SERGEF: variants seen among roughly 807,000 people sequenced by gnomAD.
SERGEF encodes secretion-regulating guanine nucleotide exchange factor.
In SERGEF, 51 loss-of-function variants were observed where a neutral mutation model predicts 50.0. The ratio of observed to expected loss-of-function variants is 1.02; its 90% CI spans 0.81 to 1.29. SERGEF has a LOEUF of 1.29. Among genes scored for constraint, SERGEF ranks in the 50% most tolerant of loss-of-function variants. The probability of loss-of-function intolerance (pLI) is 0.00; values close to 1 mark genes in which losing one functional copy is unlikely to be tolerated. For missense variants in SERGEF, 521 were observed against 557.0 expected, an observed-to-expected ratio of 0.94 and a Z score of 0.65; for synonymous variants, 205 against 212.4, an observed-to-expected ratio of 0.97 and a Z score of 0.30.
Position 17,991,173 on chromosome 11 carries a change from A to G in SERGEF, c.685+1758T>C, listed in dbSNP as rs1853705385. On this transcript the variant is annotated intron_variant, in intron 7 of 10. Transcript: ENST00000265965. The surrounding 1 kb of genome is among the most constrained non-coding windows in gnomAD (Gnocchi z 4.9). ...TTGTGAATATATTAAAAATTACTAA[A>G]TTGTATACTTTAAATGAAACTTAAG... is the stretch of plus-strand genomic sequence containing the variant. Among the ~76,000 whole-genome samples the G allele has an allele frequency of 6.6e-6, 1 of 152,200 alleles. No individual in the cohort carries two copies. The highest frequency in any genetic ancestry group is 1.5e-5 in the Non-Finnish European group (1 of 68,046).
intron 10 of SERGEF, among the ~76,000 whole-genome samples, chr11:17,844,926 C>A (rs2237942): frequency 0.59 from 87,793 of 150,002 alleles, 26,375 homozygotes; most frequent in African/African-American, 0.73. Context: ...AACAAACAAA[C>A]AAAAAAAACA....
rs1852947937 is a variant in SERGEF at position 17,959,501 on chromosome 11, G to A, written c.980C>T (p.Ser327Leu). 1.2e-6 allele frequency: 2 copies of A among 1,613,900 alleles called. No individual in the cohort carries two copies. The highest frequency in any genetic ancestry group is 1.7e-6 in the Non-Finnish European group (2 of 1,179,924). ...TGCTCCAGTTAAGCAATGCGGAGACGAAGGCATGCTGTTCGGTGGTCTTGA... is the reference window on the plus strand; with the variant it reads ...TGCTCCAGTTAAGCAATGCGGAGACAAAGGCATGCTGTTCGGTGGTCTTGA... ...PCSRPPNSMP[S>L]SPHCLTGATE... Residue 327 changes from serine (S) to leucine (L), a missense_variant, in exon 9 of 11, where the codon TCG (serine) becomes TTG (leucine). Ser to Leu is a moderately radical substitution (Grantham distance 145). Transcript: ENST00000265965.
At position 17,884,522 on chromosome 11, in the gene SERGEF, G is replaced by T. The variant is rs1851394420; in HGVS notation, c.1012-6278C>A. Reference sequence around the variant, plus strand: ...ACTATTAGAAACGCAGTGCTTGGAAGCTGGGCACGTTTTACAGGCACACTG... The same window carrying T: ...ACTATTAGAAACGCAGTGCTTGGAATCTGGGCACGTTTTACAGGCACACTG... On this transcript the variant is annotated intron_variant, in intron 9 of 10. Coordinates refer to ENST00000265965, the MANE Select transcript of SERGEF (RefSeq NM_012139.4). This position sits in a 1 kb window ranked among gnomAD's most constrained non-coding sequence, Gnocchi z 4.6. Among the ~76,000 whole-genome samples, 1 of 152,154 alleles carries T rather than the reference G, an allele frequency of 6.6e-6. No individual in the cohort carries two copies. Among genetic ancestry groups the T allele is most frequent in the Non-Finnish European group, 1.5e-5 (1 of 68,028 alleles).
intron 9 of SERGEF, among the ~76,000 whole-genome samples, chr11:17,882,436 AG>A (rs1851352721): frequency 6.6e-6 from 1 of 150,980 alleles, no homozygotes; most frequent in Non-Finnish European, 1.5e-5. Context: ...AAAAAAAAAA[AG>A]AAAAAAAAAG....
At chr11:17,985,636 G>A (rs1286879777) in intron 8 of SERGEF, among the ~76,000 whole-genome samples, 1 of 152,208 alleles carries the variant, frequency 6.6e-6, no homozygotes. Context: ...TCCCAGATTA[G>A]AACAGGTTCT....
intron 9 of SERGEF, among the ~76,000 whole-genome samples, chr11:17,898,641 C>G (rs1005918776): frequency 3.9e-5 from 6 of 152,118 alleles, no homozygotes; most frequent in Non-Finnish European, 7.4e-5. Flanking sequence ...AAACGTTTTT[C>G]CCCCAGACCT....
intron 9 of SERGEF, among the ~76,000 whole-genome samples, chr11:17,905,670 A>C (rs1292713303): frequency 6.6e-6 from 1 of 152,210 alleles, no homozygotes; most frequent in African/African-American, 2.4e-5. Flanking sequence ...AGTGAAACCC[A>C]GAAAGAAGAA....
intron 9 of SERGEF, among the ~76,000 whole-genome samples, chr11:17,948,158 C>G (rs963243585): frequency 6.6e-6 from 1 of 152,026 alleles, no homozygotes; most frequent in Non-Finnish European, 1.5e-5. Flanking sequence ...TCATGTGATC[C>G]ACCTGCCTCA....
intron 10 of SERGEF, among the ~76,000 whole-genome samples, chr11:17,798,557 T>C (rs1049495914): frequency 1.3e-5 from 2 of 152,242 alleles, no homozygotes; most frequent in African/African-American, 4.8e-5. Flanking sequence ...CTGTGGCACG[T>C]TGGCTCCAGT....
chr11:17,988,583 T>C lies in SERGEF; in HGVS notation c.844+14A>G. The stretch of plus-strand genomic sequence containing the variant: ...CTGCTCTTACCAACCGTAAGTTCTC[T>C]GCTACTGTCTCACCTGTCTGAGCAA... On this transcript the variant is annotated intron_variant, in intron 8 of 10. Coordinates refer to ENST00000265965, the MANE Select transcript of SERGEF (RefSeq NM_012139.4). 6.2e-7 allele frequency: 1 copy of C among 1,613,302 alleles called. No individual in the cohort carries two copies. The highest frequency in any genetic ancestry group is 8.5e-7 in the Non-Finnish European group (1 of 1,179,630).
At chr11:17,848,826 G>T (rs1850663398) in intron 10 of SERGEF, among the ~76,000 whole-genome samples, 1 of 152,120 alleles carries the variant, frequency 6.6e-6, no homozygotes, top group Non-Finnish European at 1.5e-5. Context: ...CATCTTCAAG[G>T]CTCTTGATAA....
In SERGEF at chr11:17,991,335, A is replaced by C. The variant is rs2133998838; in HGVS notation, c.685+1596T>G. The stretch of plus-strand genomic sequence containing the variant: ...AAATAACAAATTTACTACCAACAAG[A>C]ATTTTTAAGAAGTTGAAGTTGGCAA... On this transcript the variant is annotated intron_variant, in intron 7 of 10. Coordinates refer to ENST00000265965, the MANE Select transcript of SERGEF (RefSeq NM_012139.4). This position sits in a 1 kb window ranked among gnomAD's most constrained non-coding sequence, Gnocchi z 4.9. 6.6e-6 allele frequency among the ~76,000 whole-genome samples: 1 copy of C among 152,334 alleles called. No individual in the cohort carries two copies. Among genetic ancestry groups the C allele is most frequent in the South Asian group, 2.1e-4 (1 of 4,826 alleles).
At chr11:17,804,149 G>A (rs1455648139) in intron 10 of SERGEF, among the ~76,000 whole-genome samples, 1 of 152,186 alleles carries the variant, frequency 6.6e-6, no homozygotes, top group Non-Finnish European at 1.5e-5. Flanking sequence ...ACAGTGGCCC[G>A]ATGACCATCT....
intron 10 of SERGEF, among the ~76,000 whole-genome samples, chr11:17,801,696 T>C (rs1198338376): frequency 6.6e-6 from 1 of 152,130 alleles, no homozygotes; most frequent in Non-Finnish European, 1.5e-5. Context: ...TGAATGAATG[T>C]ATTCCCCAAA....
At chr11:17,842,245 A>C (rs564091727) in intron 10 of SERGEF, among the ~76,000 whole-genome samples, 1 of 152,174 alleles carries the variant, frequency 6.6e-6, no homozygotes, top group East Asian at 1.9e-4. Flanking sequence ...GCAGCTATTC[A>C]CTGAGTTTAT....
intron 10 of SERGEF, among the ~76,000 whole-genome samples, chr11:17,857,140 T>C (rs1174253748): frequency 6.6e-6 from 1 of 152,160 alleles, no homozygotes; most frequent in African/African-American, 2.4e-5. Flanking sequence ...GGTGGGACCT[T>C]TGGAGCTCAC....
At chr11:17,906,738 T>A (rs551037625) in intron 9 of SERGEF, among the ~76,000 whole-genome samples, 1 of 151,678 alleles carries the variant, frequency 6.6e-6, no homozygotes, top group South Asian at 2.1e-4. Context: ...AAATTCACAG[T>A]TCCTAGTAAA....
chr11:17,983,882 G>A (rs1034624445), intron 8 of SERGEF, among the ~76,000 whole-genome samples: 1 of 151,742 alleles, frequency 6.6e-6, no homozygotes, highest in African/African-American at 2.4e-5. Flanking sequence ...GCATGGATAA[G>A]TGGCCAAATA....
In SERGEF at chr11:18,012,972, C is replaced by T; in HGVS notation, c.39G>A (p.Ala13=). ...GTACCCAGGCGAAGAGCGCGGCCGCCGCGGGGGCGGCCTCCGAGGCGCTGG... is the reference window on the plus strand; with the variant it reads ...GTACCCAGGCGAAGAGCGCGGCCGCTGCGGGGGCGGCCTCCGAGGCGCTGG... ...REPSASEAAP[A]AAALFAWGAN... Residue 13 remains alanine (A), a synonymous_variant, in exon 1 of 11, where the codon GCG becomes GCA. Transcript: ENST00000265965. 1 of 1,472,782 alleles carries T rather than the reference C, an allele frequency of 6.8e-7. No homozygotes were observed. The highest frequency in any genetic ancestry group is 8.9e-7 in the Non-Finnish European group (1 of 1,121,498). The allele number at this position is 1,472,782 out of a possible 1,614,324, so 91.2% of individuals were successfully genotyped here.
Sources: allele counts gnomAD v4.1 joint callset (sites outside exome capture counted in the v4.1 genomes callset), GRCh38; gene constraint gnomAD v4.1.1; non-coding constraint Gnocchi (gnomAD v3.1); transcripts MANE v1.5; gene names NCBI Gene and HGNC (gene_info 2026-07-23, HGNC 2026-07-21).